PDZRN4: variants seen among roughly 807,000 people sequenced by gnomAD.
The protein encoded by PDZRN4 is PDZ domain containing ring finger 4.
In PDZRN4, 70 loss-of-function variants were observed where a neutral mutation model predicts 99.0. That is an observed-to-expected ratio of 0.71 (90% CI 0.58 to 0.86). The LOEUF (loss-of-function observed/expected upper bound fraction) is 0.86. PDZRN4 is among the 40% of genes least tolerant of loss of function. The pLI is 0.00. For synonymous variants in PDZRN4, 551 were observed against 501.6 expected (o/e 1.10, Z -1.32); for missense variants, 1,474 against 1,331.2 (o/e 1.11, Z -1.67).
chr12:41,335,595 A>G (rs990713018), intron 3 of PDZRN4, among the ~76,000 whole-genome samples: 1 of 152,158 alleles, frequency 6.6e-6, no homozygotes, highest in Non-Finnish European at 1.5e-5. Flanking sequence ...GTAGTATACA[A>G]TAAAACATAT....
chr12:41,418,814 C>T (rs1032031261), intron 3 of PDZRN4, among the ~76,000 whole-genome samples: 13 of 152,130 alleles, frequency 8.5e-5, no homozygotes, highest in African/African-American at 2.9e-4. Context: ...GGAGAAGAAT[C>T]GTTGGGTGAC....
chr12:41,524,061 T>C (rs1319642095), intron 5 of PDZRN4, among the ~76,000 whole-genome samples: 1 of 152,100 alleles, frequency 6.6e-6, no homozygotes, highest in East Asian at 1.9e-4. Context: ...TTCTGTACAC[T>C]AACAAGGAAC....
intron 3 of PDZRN4, among the ~76,000 whole-genome samples, chr12:41,334,389 T>TA (rs59977032): frequency 0.017 from 2,512 of 143,722 alleles, 40 homozygotes; most frequent in African/African-American, 0.035. Context: ...AATGAAAAGT[T>TA]AAAAAAAAAA....
chr12:41,205,392 G>A (rs1338485105), intron 3 of PDZRN4, among the ~76,000 whole-genome samples: 1 of 151,834 alleles, frequency 6.6e-6, no homozygotes, highest in Admixed American at 6.6e-5. Flanking sequence ...GGGATAAAAT[G>A]TAAGGTTCTT....
chr12:41,242,407 C>T (rs975701444), intron 3 of PDZRN4, among the ~76,000 whole-genome samples: 2 of 152,122 alleles, frequency 1.3e-5, no homozygotes, highest in Non-Finnish European at 2.9e-5. Flanking sequence ...ATCTCAATAA[C>T]TTAGGTTAAT....
At chr12:41,269,684 ACT>A (rs1234236539) in intron 3 of PDZRN4, among the ~76,000 whole-genome samples, 2 of 151,946 alleles carry the variant, frequency 1.3e-5, no homozygotes, top group African/African-American at 4.8e-5. Flanking sequence ...AGGGTTCAAG[ACT>A]CTATATGCCA....
chr12:41,392,514 G>T (rs773963766), intron 3 of PDZRN4, among the ~76,000 whole-genome samples: 1 of 152,132 alleles, frequency 6.6e-6, no homozygotes, highest in Non-Finnish European at 1.5e-5. Flanking sequence ...CATTGCACTA[G>T]AAGGCTCCAT....
intron 3 of PDZRN4, among the ~76,000 whole-genome samples, chr12:41,472,756 C>A (rs1864845652): frequency 1.3e-5 from 2 of 152,128 alleles, no homozygotes. Context: ...AATACCATTT[C>A]CACTTTAACA....
At chr12:41,309,394 CAGAG>C (rs1328094752) in intron 3 of PDZRN4, among the ~76,000 whole-genome samples, 4 of 152,014 alleles carry the variant, frequency 2.6e-5, no homozygotes, top group African/African-American at 9.7e-5. Flanking sequence ...GAAAAAGAGA[CAGAG>C]AGAAAGAGAA....
At chr12:41,495,365 G>C (rs149898196) in intron 3 of PDZRN4, among the ~76,000 whole-genome samples, 1 of 152,184 alleles carries the variant, frequency 6.6e-6, no homozygotes, top group African/African-American at 2.4e-5. Context: ...AACCTCTTCA[G>C]CTTGTATTTC....
intron 3 of PDZRN4, chr12:41,477,756 C>A: frequency 1.4e-6 from 1 of 715,312 alleles, no homozygotes; most frequent in Admixed American, 2.0e-5. Flanking sequence ...ATAAAAATAT[C>A]CTAGAATAAA....
chr12:41,400,000 G>T (rs147417918), intron 3 of PDZRN4, among the ~76,000 whole-genome samples: 5 of 152,148 alleles, frequency 3.3e-5, no homozygotes, highest in African/African-American at 1.2e-4. Flanking sequence ...CCTCTGTACC[G>T]GCTTCATATG....
At chr12:41,270,747 A>G (rs1951309975) in intron 3 of PDZRN4, among the ~76,000 whole-genome samples, 1 of 152,162 alleles carries the variant, frequency 6.6e-6, no homozygotes, top group African/African-American at 2.4e-5. Context: ...GATGCAGATT[A>G]CATGCAAAAT....
chr12:41,369,084 T>C (rs1249009256), intron 3 of PDZRN4, among the ~76,000 whole-genome samples: 1 of 152,120 alleles, frequency 6.6e-6, no homozygotes, highest in Non-Finnish European at 1.5e-5. Flanking sequence ...AAGATAATTA[T>C]TTTTATGTGT....
intron 7 of PDZRN4, among the ~76,000 whole-genome samples, chr12:41,561,748 G>A (rs1475117747): frequency 6.6e-6 from 1 of 151,762 alleles, no homozygotes; most frequent in Non-Finnish European, 1.5e-5. Context: ...TGCCTGTAGT[G>A]GAGAGGAGAT....
intron 3 of PDZRN4, among the ~76,000 whole-genome samples, chr12:41,392,668 G>A (rs1952217862): frequency 6.6e-6 from 1 of 152,150 alleles, no homozygotes; most frequent in Non-Finnish European, 1.5e-5. Flanking sequence ...AATCCTATTG[G>A]AAATAGTTGG....
intron 3 of PDZRN4, among the ~76,000 whole-genome samples, chr12:41,467,110 T>C (rs1952934499): frequency 6.6e-6 from 1 of 152,228 alleles, no homozygotes; most frequent in Non-Finnish European, 1.5e-5. Flanking sequence ...GCAAAATAGC[T>C]TCGCTCCTGA....
intron 3 of PDZRN4, among the ~76,000 whole-genome samples, chr12:41,274,890 A>G (rs1277169025): frequency 1.3e-5 from 2 of 152,268 alleles, no homozygotes; most frequent in African/African-American, 4.8e-5. Context: ...ATGCTCTGAA[A>G]TCAGTCAAAT....
Position 41,270,357 on chromosome 12 carries a change from T to C in PDZRN4, c.843+76169T>C, listed in dbSNP as rs183421633. ...GTGTGTGTGTGTGTGTATTTAGAATTAGATTGTTAATGCATGTAACCTGGC... is the reference window on the plus strand; with the variant it reads ...GTGTGTGTGTGTGTGTATTTAGAATCAGATTGTTAATGCATGTAACCTGGC... On this transcript the variant is annotated intron_variant, in intron 3 of 9. Coordinates refer to ENST00000402685, the MANE Select transcript of PDZRN4 (RefSeq NM_001164595.2). 3.0e-3 allele frequency among the ~76,000 whole-genome samples: 452 copies of C among 149,432 alleles called. 1 individual carries two copies. Among genetic ancestry groups the C allele is most frequent in the Non-Finnish European group, 5.1e-3 (342 of 67,126 alleles).
Sources: allele counts gnomAD v4.1 joint callset (sites outside exome capture counted in the v4.1 genomes callset), GRCh38; gene constraint gnomAD v4.1.1; transcripts MANE v1.5; gene names NCBI Gene and HGNC (gene_info 2026-07-23, HGNC 2026-07-21).